RANBP10: variants seen among roughly 807,000 people sequenced by gnomAD.
RANBP10 encodes ran-binding protein 10.
Under a neutral mutation model 72.8 loss-of-function variants are expected in RANBP10, and 24 were observed. That is an observed-to-expected ratio of 0.33 (90% CI 0.24 to 0.46). The LOEUF (loss-of-function observed/expected upper bound fraction) is 0.46. RANBP10 is among the 20% of genes least tolerant of loss of function. The pLI, the probability that RANBP10 is intolerant of heterozygous loss-of-function variation, is 1.00. For missense variants in RANBP10, 679 were observed against 817.5 expected, an observed-to-expected ratio of 0.83 and a Z score of 2.07; for synonymous variants, 310 against 322.3, an observed-to-expected ratio of 0.96 and a Z score of 0.41.
At chr16:67,744,693 C>T (rs371808103) in intron 3 of RANBP10, among the ~76,000 whole-genome samples, 23 of 152,208 alleles carry the variant, frequency 1.5e-4, no homozygotes, top group African/African-American at 5.3e-4. Context: ...TAACAGGAAC[C>T]AAAACCATCA....
chr16:67,806,330 G>C lies in RANBP10; in HGVS notation c.207C>G (p.Ser69=), dbSNP rs775265080. 38 of 1,613,370 alleles carry C rather than the reference G, an allele frequency of 2.4e-5. No individual in the cohort carries two copies. The highest frequency in any genetic ancestry group is 3.1e-5 in the Non-Finnish European group (37 of 1,179,682). ...PKDKYNYIGL[S]QGNLRVHYKG... ...TGTAGTGGACGCGGAGGTTGCCCTG[G>C]GAGAGACCAATGTAGTTGTATTTGT... The change falls in exon 1 of 14, where the codon TCC becomes TCG. Residue 69 remains serine (S), a synonymous_variant. Coordinates refer to ENST00000317506, the MANE Select transcript of RANBP10 (RefSeq NM_020850.3).
chr16:67,760,404 C>T (rs1425322787), intron 3 of RANBP10, among the ~76,000 whole-genome samples: 2 of 149,870 alleles, frequency 1.3e-5, no homozygotes, highest in Non-Finnish European at 3.0e-5. Context: ...GAAATATCAG[C>T]TGTTTGCAGA....
Position 67,729,544 on chromosome 16 carries a change from A to G in RANBP10, c.1148-60T>C. 2 of 1,576,682 alleles carry G rather than the reference A, an allele frequency of 1.3e-6. No homozygotes were observed. The highest frequency in any genetic ancestry group is 1.7e-6 in the Non-Finnish European group (2 of 1,161,678). On this transcript the variant is annotated intron_variant, in intron 9 of 13. Coordinates refer to ENST00000317506, the MANE Select transcript of RANBP10 (RefSeq NM_020850.3). This position sits in a 1 kb window ranked among gnomAD's most constrained non-coding sequence, Gnocchi z 7.1. ...CAGCTTCCCATGAAATGAAGCCCCAAGAACAACCACAGTGGTCCCATTTCC... is the reference window on the plus strand; with the variant it reads ...CAGCTTCCCATGAAATGAAGCCCCAGGAACAACCACAGTGGTCCCATTTCC...
chr16:67,732,031 C>T (rs1597826102), intron 6 of RANBP10, among the ~76,000 whole-genome samples: 1 of 152,204 alleles, frequency 6.6e-6, no homozygotes, highest in African/African-American at 2.4e-5. Flanking sequence ...ATGCCACATG[C>T]ACACCTTCTA....
At chr16:67,747,197 A>T (rs2054099266) in intron 3 of RANBP10, among the ~76,000 whole-genome samples, 1 of 151,752 alleles carries the variant, frequency 6.6e-6, no homozygotes, top group Middle Eastern at 3.2e-3. Flanking sequence ...TTCTCAGTTT[A>T]TTTTTTTTAA....
At position 67,733,524 on chromosome 16, in the gene RANBP10, C is replaced by T. The variant is rs1043744579; in HGVS notation, c.776+1334G>A. Among the ~76,000 whole-genome samples, 3 of 152,082 alleles carry T rather than the reference C, an allele frequency of 2.0e-5. No individual in the cohort carries two copies. In the South Asian group the frequency reaches 6.2e-4, roughly 32 times the overall value. On this transcript the variant is annotated intron_variant, in intron 6 of 13. Coordinates refer to ENST00000317506, the MANE Select transcript of RANBP10 (RefSeq NM_020850.3). The stretch of plus-strand genomic sequence containing the variant: ...CCACTAGAGGAAGCCAGCCAAAAGG[C>T]TTGTGACAAATTTGTCTCTGTGATA...
chr16:67,765,931 C>T (rs528504222), intron 3 of RANBP10, among the ~76,000 whole-genome samples: 195 of 152,222 alleles, frequency 1.3e-3, no homozygotes, highest in Middle Eastern at 3.4e-3. Flanking sequence ...AAGGAGCACT[C>T]GGCCCAGGAG....
rs1567699198 is a variant in RANBP10 at position 67,769,463 on chromosome 16, G to GAA, written c.400+2570_400+2571insTT. Reference sequence around the variant, plus strand: ...TGTCTCAAAAAAAAAAAAAAAAAAAGTGCTGGGCGCAGTGGCTCACGCCTG... The same window carrying GAA: ...TGTCTCAAAAAAAAAAAAAAAAAAAGAATGCTGGGCGCAGTGGCTCACGCCTG... On this transcript the variant is annotated intron_variant, in intron 3 of 13. Transcript: ENST00000317506. Among the ~76,000 whole-genome samples the GAA allele has an allele frequency of 3.7e-5, 4 of 107,830 alleles. 2 individuals carry two copies. Among genetic ancestry groups the GAA allele is most frequent in the Non-Finnish European group, 7.4e-5 (4 of 53,882 alleles). The allele number at this position is 107,830 out of a possible 152,430, so 70.7% of individuals were successfully genotyped here.
chr16:67,785,784 T>C lies in RANBP10; in HGVS notation c.348-13698A>G, dbSNP rs2054905917. 2.7e-5 allele frequency among the ~76,000 whole-genome samples: 4 copies of C among 145,542 alleles called. No individual in the cohort carries two copies. The Admixed American group carries it at 2.8e-4, about 10-fold the overall frequency. On this transcript the variant is annotated intron_variant, in intron 2 of 13. Transcript: ENST00000317506. Reference sequence around the variant, plus strand: ...GGCTCACGCCTATAATCCCAACACTTTGGGAAGCCAAGGTGGTGGATCACA... The same window carrying C: ...GGCTCACGCCTATAATCCCAACACTCTGGGAAGCCAAGGTGGTGGATCACA...
At chr16:67,737,906 T>C (rs2053886092) in intron 5 of RANBP10, 107 bp downstream of exon 5, 21 of 1,398,056 alleles carry the variant, frequency 1.5e-5, no homozygotes, top group South Asian at 3.7e-5. Flanking sequence ...ACATCCCTGG[T>C]TGGGGAAAGA....
intron 3 of RANBP10, among the ~76,000 whole-genome samples, chr16:67,767,090 G>C (rs2054516308): frequency 6.6e-6 from 1 of 152,160 alleles, no homozygotes; most frequent in African/African-American, 2.4e-5. Flanking sequence ...CTACAGCTTT[G>C]TATTAGCAAT....
rs2053704392 is a variant in RANBP10, at chr16:67,730,420, G to A, written c.890-374C>T. ...CCCAGGCAGCTTGGCGGCCTGAGTG[G>A]CTCCTCTTCAGACAGACTCCTCTCC... On this transcript the variant is annotated intron_variant, in intron 7 of 13. Transcript: ENST00000317506. This position sits in a 1 kb window ranked among gnomAD's most constrained non-coding sequence, Gnocchi z 4.3. Among the ~76,000 whole-genome samples, 1 of 152,136 alleles carries A rather than the reference G, an allele frequency of 6.6e-6. No homozygotes were observed. Among genetic ancestry groups the A allele is most frequent in the African/African-American group, 2.4e-5 (1 of 41,442 alleles).
At chr16:67,734,540 A>G (rs1274676903) in intron 6 of RANBP10, among the ~76,000 whole-genome samples, 3 of 152,238 alleles carry the variant, frequency 2.0e-5, no homozygotes, top group Non-Finnish European at 4.4e-5. Flanking sequence ...GGAAGAGACC[A>G]CAGGGCATCC....
intron 2 of RANBP10, among the ~76,000 whole-genome samples, chr16:67,800,575 T>C (rs997338008): frequency 6.6e-6 from 1 of 152,136 alleles, no homozygotes; most frequent in Non-Finnish European, 1.5e-5. Context: ...CTTCGCTTCC[T>C]AGAAAGACAG....
rs531455834 is a variant in RANBP10 at position 67,805,336 on chromosome 16, C to T, written c.347+92G>A. The T allele has an allele frequency of 4.4e-5, 50 of 1,144,186 alleles. No homozygotes were observed. In the South Asian group the frequency reaches 5.7e-4, roughly 13 times the overall value. The allele number at this position is 1,144,186 out of a possible 1,614,324, so 70.9% of individuals were successfully genotyped here. A position where few individuals can be genotyped will look rare whatever the true frequency, so the allele number is the denominator to read the frequency against. On this transcript the variant is annotated intron_variant, in intron 2 of 13. Transcript: ENST00000317506. Reference sequence around the variant, plus strand: ...CAGACCCATGCGGCTCCCCAGCTCACATCAGCAACAAGTGCCAGCCAAAGG... The same window carrying T: ...CAGACCCATGCGGCTCCCCAGCTCATATCAGCAACAAGTGCCAGCCAAAGG...
At chr16:67,754,495 G>A (rs1836701028) in intron 3 of RANBP10, among the ~76,000 whole-genome samples, 1 of 152,198 alleles carries the variant, frequency 6.6e-6, no homozygotes, top group Non-Finnish European at 1.5e-5. Context: ...AAGCCCAAAG[G>A]AGTTGAGGAG....
At chr16:67,755,556 T>C (rs951976892) in intron 3 of RANBP10, among the ~76,000 whole-genome samples, 1 of 152,004 alleles carries the variant, frequency 6.6e-6, no homozygotes, top group Non-Finnish European at 1.5e-5. Context: ...TTGTGGTACA[T>C]GCCTGTAATC....
chr16:67,789,660 G>A (rs754029546), intron 2 of RANBP10, among the ~76,000 whole-genome samples: 2 of 151,462 alleles, frequency 1.3e-5, no homozygotes, highest in African/African-American at 4.9e-5. Flanking sequence ...TAGTAGAGAC[G>A]GGGTTTCACC....
At chr16:67,795,719 G>A (rs2055119128) in intron 2 of RANBP10, among the ~76,000 whole-genome samples, 1 of 150,756 alleles carries the variant, frequency 6.6e-6, no homozygotes, top group Non-Finnish European at 1.5e-5. Context: ...GCCAGGTGCG[G>A]TGGCGGGCAC....
Sources: gnomAD v4.1 joint callset for allele counts (sites outside exome capture counted in the v4.1 genomes callset) on GRCh38, gnomAD v4.1.1 for gene constraint, Gnocchi (gnomAD v3.1) non-coding constraint, MANE v1.5 for transcripts, NCBI Gene and HGNC (gene_info 2026-07-23, HGNC 2026-07-21) for gene names.